The following FGFR1 variants were observed in gnomAD, a reference collection of about 807,000 sequenced individuals.
The protein encoded by FGFR1 is FGFR1/PLAG1 fusion.
In FGFR1, 18 loss-of-function variants were observed where a neutral mutation model predicts 93.7. That is an observed-to-expected ratio of 0.19 (90% confidence interval 0.13 to 0.28). The LOEUF is 0.28. Ranked by LOEUF, FGFR1 falls within the 10% of genes least tolerant of loss-of-function variation. The pLI is 1.00. For missense variants in FGFR1, 731 were observed against 1,080.4 expected, an observed-to-expected ratio of 0.68 and a Z score of 4.53; for synonymous variants, 448 against 429.3, an observed-to-expected ratio of 1.04 and a Z score of -0.54.
At chr8:38,466,734 C>T (rs777690955) in intron 1 of FGFR1, 9 of 205,070 alleles carry the variant, frequency 4.4e-5, no homozygotes, top group Non-Finnish European at 8.8e-5. Flanking sequence ...GTTAATAATG[C>T]GGCTGCGGTG....
At chr8:38,458,140 C>G (rs969686148) in intron 1 of FGFR1, among the ~76,000 whole-genome samples, 3 of 152,174 alleles carry the variant, frequency 2.0e-5, no homozygotes, top group South Asian at 4.1e-4. Flanking sequence ...AGTGAATGGT[C>G]TCATGAAAGT....
chr8:38,448,485 G>T (rs1279008058), intron 2 of FGFR1, among the ~76,000 whole-genome samples: 1 of 152,094 alleles, frequency 6.6e-6, no homozygotes, highest in Non-Finnish European at 1.5e-5. Context: ...TCGCCAGGCT[G>T]GCCAGTGCTG....
rs773367189 is a variant in FGFR1, at chr8:38,426,698, C to T, written c.622-453G>A. Among the ~76,000 whole-genome samples, 10 of 152,230 alleles carry T rather than the reference C, an allele frequency of 6.6e-5. No homozygotes were observed. The highest frequency in any genetic ancestry group is 1.9e-4 in the African/African-American group (8 of 41,464). On this transcript the variant is annotated intron_variant, in intron 5 of 17. Transcript: ENST00000447712. The surrounding 1 kb of genome is among the most constrained non-coding windows in gnomAD (Gnocchi z 4.1). ...AGCACTGATCACAGTCTACTTTTTA[C>T]GGTAGCTGCTCATGGACATTTGCCT...
At chr8:38,417,443 T>C in intron 11 of FGFR1, 27 bp from the exon 12 acceptor site, 9 of 1,596,854 alleles carry the variant, frequency 5.6e-6, no homozygotes, top group Non-Finnish European at 7.7e-6. Flanking sequence ...GAGACTCATT[T>C]ACTTGGGAAG....
rs1185771639 is a variant in FGFR1, at chr8:38,424,073, T to A, written c.936+436A>T. 6.8e-6 allele frequency: 2 copies of A among 292,306 alleles called. No homozygotes were observed. Among genetic ancestry groups the A allele is most frequent in the Non-Finnish European group, 1.4e-5 (2 of 147,084 alleles). The allele number at this position is 292,306 out of a possible 1,614,324, so 18.1% of individuals were successfully genotyped here. A position where few individuals can be genotyped will look rare whatever the true frequency, so the allele number is the denominator to read the frequency against. ...AGAATTTATATATGGCATTTGTTTT[T>A]CCAACTCTTCGTAAGAGATGCTCTT... On this transcript the variant is annotated intron_variant, in intron 7 of 17. Coordinates refer to ENST00000447712, the MANE Select transcript of FGFR1 (RefSeq NM_023110.3). The surrounding 1 kb of genome is among the most constrained non-coding windows in gnomAD (Gnocchi z 4.3).
chr8:38,413,612 G>A lies in FGFR1; in HGVS notation c.*16C>T, dbSNP rs763543799. 26 of 1,598,648 alleles carry A rather than the reference G, an allele frequency of 1.6e-5. No individual in the cohort carries two copies. Among genetic ancestry groups the A allele is most frequent in the Non-Finnish European group, 2.2e-5 (26 of 1,173,852 alleles). Reference sequence around the variant, plus strand: ...ACAGCTGACGGTGGAGTCTGGGGAGGGCGTGTGGGTGGCAGTCAGCGGCGT... The same window carrying A: ...ACAGCTGACGGTGGAGTCTGGGGAGAGCGTGTGGGTGGCAGTCAGCGGCGT... On this transcript the variant is annotated 3_prime_UTR_variant, in exon 18 of 18. Transcript: ENST00000447712. This position sits in a 1 kb window ranked among gnomAD's most constrained non-coding sequence, Gnocchi z 4.2.
rs1421977556 is a variant in FGFR1 at position 38,412,269 on chromosome 8, C to CA, written c.*1358dup. 4.5e-6 allele frequency: 1 copy of CA among 220,394 alleles called. No individual in the cohort carries two copies. The highest frequency in any genetic ancestry group is 9.1e-6 in the Non-Finnish European group (1 of 109,978). 13.7% of individuals were successfully genotyped at this position (220,394 alleles called of 1,614,324 possible). A position where few individuals can be genotyped will look rare whatever the true frequency, so the allele number is the denominator to read the frequency against. On this transcript the variant is annotated 3_prime_UTR_variant, in exon 18 of 18. Transcript: ENST00000447712. ...TTCACTAAGTTGGCCAGGCTGGTCT[C>CA]AAACTCCTGACCTGAAGTGATCTGC...
In FGFR1 at chr8:38,457,514, A is replaced by C. The variant is rs1346425855; in HGVS notation, c.-68T>G. ...CCATGGATACTCCACAGTGAGCTCG[A>C]TCCTCCTTTTCAAACTGACCCTGAG... On this transcript the variant is annotated 5_prime_UTR_variant, in exon 2 of 18. Coordinates refer to ENST00000447712, the MANE Select transcript of FGFR1 (RefSeq NM_023110.3). 1 of 1,605,038 alleles carries C rather than the reference A, an allele frequency of 6.2e-7. No homozygotes were observed. Among genetic ancestry groups the C allele is most frequent in the Non-Finnish European group, 8.5e-7 (1 of 1,176,226 alleles).
At chr8:38,467,627 G>A (rs925834655) in intron 1 of FGFR1, 5 of 234,700 alleles carry the variant, frequency 2.1e-5, no homozygotes, top group Admixed American at 5.6e-5. Context: ...AGGAAACCGC[G>A]GGCCTCGCCG....
intron 2 of FGFR1, among the ~76,000 whole-genome samples, chr8:38,441,345 C>T (rs1827390901): frequency 6.6e-6 from 1 of 152,160 alleles, no homozygotes; most frequent in African/African-American, 2.4e-5. Flanking sequence ...CCCACCTCCT[C>T]CCTACCTCTC....
chr8:38,452,856 AATCC>A (rs1831525861), intron 2 of FGFR1, among the ~76,000 whole-genome samples: 1 of 152,188 alleles, frequency 6.6e-6, no homozygotes, highest in African/African-American at 2.4e-5. Context: ...ACGCGCCTGT[AATCC>A]CAGCTACTTG....
intron 7 of FGFR1, chr8:38,422,230 C>T (rs574339297): frequency 1.8e-5 from 9 of 487,236 alleles, no homozygotes; most frequent in Admixed American, 9.9e-5. Context: ...GGGCGGTGAG[C>T]GGCATGGAGA....
intron 2 of FGFR1, among the ~76,000 whole-genome samples, chr8:38,441,725 T>C (rs1301207374): frequency 6.6e-6 from 1 of 152,196 alleles, no homozygotes; most frequent in African/African-American, 2.4e-5. Context: ...ATTTCACATT[T>C]AGCACCAGAA....
chr8:38,429,309 C>T lies in FGFR1; in HGVS notation c.358+373G>A, dbSNP rs745819611. ...TGTTCAGGGCCTCTAATCACTAAGCCGAGTACCAAGTCCAAATGGCAAGGG... is the reference window on the plus strand; with the variant it reads ...TGTTCAGGGCCTCTAATCACTAAGCTGAGTACCAAGTCCAAATGGCAAGGG... On this transcript the variant is annotated intron_variant, in intron 3 of 17. Transcript: ENST00000447712. This position sits in a 1 kb window ranked among gnomAD's most constrained non-coding sequence, Gnocchi z 4.4. 19 of 555,260 alleles carry T rather than the reference C, an allele frequency of 3.4e-5. No homozygotes were observed. The highest frequency in any genetic ancestry group is 1.9e-4 in the East Asian group (4 of 21,302). 34.4% of individuals were successfully genotyped at this position (555,260 alleles called of 1,614,324 possible).
At chr8:38,466,961 C>A (rs535706523) in intron 1 of FGFR1, among the ~76,000 whole-genome samples, 10 of 151,042 alleles carry the variant, frequency 6.6e-5, no homozygotes, top group African/African-American at 2.4e-4. Flanking sequence ...TCTATATGAA[C>A]CCCCATCTAC....
rs1187056181 is a variant in FGFR1 at position 38,412,031 on chromosome 8, A to G, written c.*1597T>C. 1 of 226,090 alleles carries G rather than the reference A, an allele frequency of 4.4e-6. No individual in the cohort carries two copies. Among genetic ancestry groups the G allele is most frequent in the Non-Finnish European group, 8.8e-6 (1 of 113,606 alleles). The allele number at this position is 226,090 out of a possible 1,614,324, so 14.0% of individuals were successfully genotyped here. On this transcript the variant is annotated 3_prime_UTR_variant, in exon 18 of 18. Transcript: ENST00000447712. ...ATGCCCACATAGAGGGGGCAGACAC[A>G]TGTCTGGGTTTCAGTTTCTGCAGAC...
chr8:38,423,306 C>T (rs1385343992), intron 7 of FGFR1: 4 of 562,568 alleles, frequency 7.1e-6, no homozygotes, highest in South Asian at 3.9e-5. Flanking sequence ...TTACCTTTCC[C>T]TTTTAGTTTT....
chr8:38,413,550 C>G lies in FGFR1; in HGVS notation c.*78G>C. ...CAGCAGGAAAGGGGACAGGGACGGA[C>G]AGGTGGTGGGCCCAGCAGGGGCTGT... On this transcript the variant is annotated 3_prime_UTR_variant, in exon 18 of 18. Coordinates refer to ENST00000447712, the MANE Select transcript of FGFR1 (RefSeq NM_023110.3). This position sits in a 1 kb window ranked among gnomAD's most constrained non-coding sequence, Gnocchi z 4.2. The G allele has an allele frequency of 1.4e-6, 2 of 1,476,900 alleles. No individual in the cohort carries two copies. The highest frequency in any genetic ancestry group is 1.8e-6 in the Non-Finnish European group (2 of 1,091,874). The allele number at this position is 1,476,900 out of a possible 1,614,324, so 91.5% of individuals were successfully genotyped here.
chr8:38,418,195 C>G (rs1465656059), intron 10 of FGFR1, 33 bp downstream of exon 10: 5 of 1,614,146 alleles, frequency 3.1e-6, no homozygotes, highest in Non-Finnish European at 3.4e-6. Context: ...GCAAGGAATG[C>G]CTTCAAAAAG....
Sources: gnomAD v4.1 joint callset for allele counts (sites outside exome capture counted in the v4.1 genomes callset) on GRCh38, gnomAD v4.1.1 for gene constraint, Gnocchi (gnomAD v3.1) non-coding constraint, MANE v1.5 for transcripts, NCBI Gene and HGNC (gene_info 2026-07-23, HGNC 2026-07-21) for gene names.